The following TGFBR1 variants were observed in gnomAD, a reference collection of about 807,000 sequenced individuals.
TGFBR1 encodes the protein transforming growth factor beta receptor 1, also known as TGF-beta receptor type-1.
Under a neutral mutation model 55.1 loss-of-function variants are expected in TGFBR1, and 20 were observed. The observed-to-expected ratio is 0.36, with a 90% CI of 0.26 to 0.53. TGFBR1 has a LOEUF of 0.53. Among genes scored for constraint, TGFBR1 ranks in the 20% least tolerant of loss-of-function variants. The probability of loss-of-function intolerance (pLI) is 0.91; values close to 1 mark genes in which losing one functional copy is unlikely to be tolerated. For synonymous variants in TGFBR1, 220 were observed against 214.8 expected (o/e 1.02, Z -0.21); for missense variants, 385 against 617.6 (o/e 0.62, Z 3.99).
At chr9:99,146,861 CTT>C (rs905713424) in intron 7 of TGFBR1, among the ~76,000 whole-genome samples, 2 of 152,172 alleles carry the variant, frequency 1.3e-5, no homozygotes, top group African/African-American at 4.8e-5. Flanking sequence ...AACCCAACCC[CTT>C]GTTATATTGG....
rs1475383520 is a variant in TGFBR1, at chr9:99,149,413, T to G, written c.*108T>G. ...CTGAGAGGGAACAGAAGGATATTGC[T>G]TCCTTTTGCAGCAGTGTAATAAAGT... On this transcript the variant is annotated 3_prime_UTR_variant, in exon 9 of 9. Coordinates refer to ENST00000374994, the MANE Select transcript of TGFBR1 (RefSeq NM_004612.4). 7.4e-6 allele frequency: 11 copies of G among 1,495,306 alleles called. No homozygotes were observed. The highest frequency in any genetic ancestry group is 1.0e-5 in the Non-Finnish European group (11 of 1,076,244). 92.6% of individuals were successfully genotyped at this position (1,495,306 alleles called of 1,614,324 possible).
intron 1 of TGFBR1, among the ~76,000 whole-genome samples, chr9:99,105,867 G>T (rs1258610076): frequency 6.6e-6 from 1 of 152,242 alleles, no homozygotes; most frequent in East Asian, 1.9e-4. Context: ...GCGACGTGTG[G>T]TGAGACCCCT....
chr9:99,119,935 T>C (rs979870793), intron 1 of TGFBR1, among the ~76,000 whole-genome samples: 5 of 152,234 alleles, frequency 3.3e-5, no homozygotes, highest in African/African-American at 1.2e-4. Context: ...GCTCTGATTC[T>C]CTGTCTAGCA....
intron 1 of TGFBR1, among the ~76,000 whole-genome samples, chr9:99,112,307 C>T (rs2118300941): frequency 6.6e-6 from 1 of 152,228 alleles, no homozygotes; most frequent in East Asian, 1.9e-4. Flanking sequence ...CTTGTGTGCT[C>T]TTCCCTCACA....
chr9:99,106,874 G>A (rs977158129), intron 1 of TGFBR1, among the ~76,000 whole-genome samples: 5 of 152,210 alleles, frequency 3.3e-5, no homozygotes, highest in African/African-American at 9.7e-5. Flanking sequence ...CTTCACGTGG[G>A]CCTGCATTAG....
At chr9:99,114,950 T>A (rs1468202892) in intron 1 of TGFBR1, among the ~76,000 whole-genome samples, 1 of 152,124 alleles carries the variant, frequency 6.6e-6, no homozygotes, top group Non-Finnish European at 1.5e-5. Context: ...GAGACCACAC[T>A]TATCTGAGAG....
At position 99,149,504 on chromosome 9, in the gene TGFBR1, T is replaced by G; in HGVS notation, c.*199T>G. The G allele has an allele frequency of 1.4e-4, 79 of 561,812 alleles. No homozygotes were observed. Among genetic ancestry groups the G allele is most frequent in the Non-Finnish European group, 1.9e-4 (61 of 318,528 alleles). The allele number at this position is 561,812 out of a possible 1,614,324, so 34.8% of individuals were successfully genotyped here. A position where few individuals can be genotyped will look rare whatever the true frequency, so the allele number is the denominator to read the frequency against. The stretch of plus-strand genomic sequence containing the variant: ...AGCCATGTGGGTCCTTTCTGTGCAC[T>G]ATGAACGCTTCTTTCCCAGGACAGA... On this transcript the variant is annotated 3_prime_UTR_variant, in exon 9 of 9. Coordinates refer to ENST00000374994, the MANE Select transcript of TGFBR1 (RefSeq NM_004612.4).
chr9:99,129,066 G>A lies in TGFBR1; in HGVS notation c.309G>A (p.Gln103=), dbSNP rs1827131383. Residue 103 remains glutamine, a synonymous_variant, in exon 2 of 9, where the codon CAG becomes CAA. Coordinates refer to ENST00000374994, the MANE Select transcript of TGFBR1 (RefSeq NM_004612.4). ...TGACTACAACATATTGCTGCAATCA[G>A]GACCATTGCAATAAAATAGAACTTC... is the stretch of plus-strand genomic sequence containing the variant. ...GSVTTTYCCN[Q]DHCNKIELPT... is the part of the protein sequence containing the mutation. 1 of 1,613,864 alleles carries A rather than the reference G, an allele frequency of 6.2e-7. No individual in the cohort carries two copies. Among genetic ancestry groups the A allele is most frequent in the Admixed American group, 1.7e-5 (1 of 59,984 alleles).
At chr9:99,107,524 C>A (rs1343774646) in intron 1 of TGFBR1, among the ~76,000 whole-genome samples, 2 of 152,224 alleles carry the variant, frequency 1.3e-5, no homozygotes, top group Non-Finnish European at 2.9e-5. Context: ...CAATCCAACT[C>A]TTCTATGAAT....
rs776161828 is a variant in TGFBR1, at chr9:99,112,288, G to GTTCCCTTGCTTGTGTGCTC, written c.97+6993_97+7011dup. 4.3e-3 allele frequency among the ~76,000 whole-genome samples: 653 copies of GTTCCCTTGCTTGTGTGCTC among 152,188 alleles called. 1 individual carries two copies. Among genetic ancestry groups the GTTCCCTTGCTTGTGTGCTC allele is most frequent in the Non-Finnish European group, 6.2e-3 (424 of 67,994 alleles). ...TTAGTAGTAGGGCCTGTGTGTGGCTGTTCCCTTGCTTGTGTGCTCTTCCCT... is the reference window on the plus strand; with the variant it reads ...TTAGTAGTAGGGCCTGTGTGTGGCTGTTCCCTTGCTTGTGTGCTCTTCCCTTGCTTGTGTGCTCTTCCCT... On this transcript the variant is annotated intron_variant, in intron 1 of 8. Coordinates refer to ENST00000374994, the MANE Select transcript of TGFBR1 (RefSeq NM_004612.4).
Position 99,142,606 on chromosome 9 carries a change from A to G in TGFBR1, c.876A>G (p.Leu292=), listed in dbSNP as rs1827650727. 1 of 1,614,000 alleles carries G rather than the reference A, an allele frequency of 6.2e-7. No homozygotes were observed. The highest frequency in any genetic ancestry group is 8.5e-7 in the Non-Finnish European group (1 of 1,179,974). ...AGCATGGATCCCTTTTTGATTACTT[A>G]AACAGATACACAGTTACTGTGGAAG... The part of the protein sequence containing the change: ...YHEHGSLFDY[L]NRYTVTVEGM... The change falls in exon 5 of 9, where the codon TTA becomes TTG. Residue 292 remains leucine, a synonymous_variant. Transcript: ENST00000374994.
rs561572489 is a variant in TGFBR1 at position 99,154,098 on chromosome 9, A to ATT, written c.*4803_*4804dup. 3.4e-5 allele frequency: 7 copies of ATT among 208,228 alleles called. No homozygotes were observed. Among genetic ancestry groups the ATT allele is most frequent in the Non-Finnish European group, 5.8e-5 (6 of 103,552 alleles). The allele number at this position is 208,228 out of a possible 1,614,324, so 12.9% of individuals were successfully genotyped here. A position where few individuals can be genotyped will look rare whatever the true frequency, so the allele number is the denominator to read the frequency against. On this transcript the variant is annotated 3_prime_UTR_variant, in exon 9 of 9. Transcript: ENST00000374994. ...TTCAATTTGAAGGCTGGATTTAGGGATTTTTTTTTTTCCTTATAACAAAGA... is the reference window on the plus strand; with the variant it reads ...TTCAATTTGAAGGCTGGATTTAGGGATTTTTTTTTTTTTCCTTATAACAAAGA...
chr9:99,135,639 GTGTT>G (rs1225754075), intron 3 of TGFBR1, among the ~76,000 whole-genome samples: 2 of 152,176 alleles, frequency 1.3e-5, no homozygotes, highest in Non-Finnish European at 2.9e-5. Flanking sequence ...TTCTAGGCCA[GTGTT>G]TGTTATGGCG....
chr9:99,144,044 C>T (rs549970677), intron 5 of TGFBR1, among the ~76,000 whole-genome samples: 7 of 152,224 alleles, frequency 4.6e-5, no homozygotes, highest in South Asian at 4.1e-4. Context: ...TATATCCGTT[C>T]GTTGATGGAC....
At chr9:99,135,013 A>G (rs1459206863) in intron 3 of TGFBR1, among the ~76,000 whole-genome samples, 4 of 151,700 alleles carry the variant, frequency 2.6e-5, no homozygotes, top group Admixed American at 2.0e-4. Context: ...CTTTAAAATG[A>G]AAGTGATGGA....
At chr9:99,106,275 G>GTAAATTTTTCAAAATA (rs1588556257) in intron 1 of TGFBR1, among the ~76,000 whole-genome samples, 1 of 152,190 alleles carries the variant, frequency 6.6e-6, no homozygotes, top group East Asian at 1.9e-4. Context: ...TAGTAAATCA[G>GTAAATTTTTCAAAATA]GTTGGGGTAG....
At chr9:99,146,682 T>C (rs542277958) in intron 7 of TGFBR1, 73 bp downstream of exon 7, 84 of 1,601,926 alleles carry the variant, frequency 5.2e-5, no homozygotes, top group Middle Eastern at 3.3e-4. Flanking sequence ...CTTTTTTTAA[T>C]TGAATGAAAT....
chr9:99,143,556 C>T lies in TGFBR1; in HGVS notation c.973+853C>T, dbSNP rs559276304. On this transcript the variant is annotated intron_variant, in intron 5 of 8. Transcript: ENST00000374994. ...CAGTTGTCCACTTGCAACCCAATGGCTCCCCCACTCCCCACTTTACATACA... is the reference window on the plus strand; with the variant it reads ...CAGTTGTCCACTTGCAACCCAATGGTTCCCCCACTCCCCACTTTACATACA... Among the ~76,000 whole-genome samples, 150 of 152,338 alleles carry T rather than the reference C, an allele frequency of 9.8e-4. 1 individual carries two copies. Among genetic ancestry groups the T allele is most frequent in the African/African-American group, 3.5e-3 (145 of 41,580 alleles).
chr9:99,129,397 CTT>C (rs1827146739), intron 2 of TGFBR1, among the ~76,000 whole-genome samples: 2 of 152,222 alleles, frequency 1.3e-5, no homozygotes, highest in Non-Finnish European at 2.9e-5. Context: ...ATTGTCTCTA[CTT>C]TGTTCTCAGA....
Sources: gnomAD v4.1 joint callset for allele counts (sites outside exome capture counted in the v4.1 genomes callset) on GRCh38, gnomAD v4.1.1 for gene constraint, MANE v1.5 for transcripts, NCBI Gene and HGNC (gene_info 2026-07-23, HGNC 2026-07-21) for gene names.